Variants in SCARA3 observed in about 807,000 individuals in gnomAD.
The protein encoded by SCARA3 is scavenger receptor class A member 3.
A neutral mutation model predicts 47.0 loss-of-function variants in SCARA3; 39 were observed. That is an observed-to-expected ratio of 0.83 (90% CI 0.64 to 1.08). The LOEUF is 1.08. SCARA3 is among the 50% of genes least tolerant of loss of function. The pLI is 0.00. For missense variants in SCARA3, 724 were observed against 792.3 expected, an observed-to-expected ratio of 0.91 and a Z score of 1.04; for synonymous variants, 356 against 334.1, an observed-to-expected ratio of 1.07 and a Z score of -0.71.
At chr8:27,708,641 A>G in the SCARA3 span, among the ~76,000 whole-genome samples, 1 of 152,204 alleles carries the variant, frequency 6.6e-6, no homozygotes, top group Non-Finnish European at 1.5e-5. Flanking sequence ...GTTAGCGGAC[A>G]GTTTCAGAAT....
At chr8:27,689,481 G>C in the SCARA3 span, among the ~76,000 whole-genome samples, 2 of 152,164 alleles carry the variant, frequency 1.3e-5, no homozygotes, top group South Asian at 4.1e-4. Context: ...GCACTGAGCG[G>C]TGACCCACTC....
rs1311998139 is a variant in SCARA3 at position 27,672,597 on chromosome 8, G to A, written c.*1246G>A. ...ACAATGGCCCGAGCCCTCTTTGCAT[G>A]GGCAGCCAGCTGGACTAGGAGTGGG... On this transcript the variant is annotated 3_prime_UTR_variant, in exon 6 of 6. Coordinates refer to ENST00000301904, the MANE Select transcript of SCARA3 (RefSeq NM_016240.3). The A allele has an allele frequency of 1.0e-6, 1 of 985,484 alleles. No individual in the cohort carries two copies. Among genetic ancestry groups the A allele is most frequent in the Non-Finnish European group, 1.2e-6 (1 of 830,096 alleles). The allele number at this position is 985,484 out of a possible 1,614,324, so 61.0% of individuals were successfully genotyped here. A position where few individuals can be genotyped will look rare whatever the true frequency, so the allele number is the denominator to read the frequency against.
At chr8:27,710,208 C>A in the SCARA3 span, among the ~76,000 whole-genome samples, 31 of 131,684 alleles carry the variant, frequency 2.4e-4, no homozygotes, top group African/African-American at 8.8e-4. Context: ...CCAGCCTGGG[C>A]GACAGAGCGA....
the SCARA3 span, among the ~76,000 whole-genome samples, chr8:27,684,212 T>TA: frequency 6.6e-6 from 1 of 152,138 alleles, no homozygotes; most frequent in East Asian, 1.9e-4. Flanking sequence ...AACTCAACTT[T>TA]AAAAAAAGTC....
chr8:27,731,448 G>A, the SCARA3 span, among the ~76,000 whole-genome samples: 3 of 151,778 alleles, frequency 2.0e-5, no homozygotes, highest in East Asian at 5.8e-4. Context: ...AGGAGTTCGA[G>A]ACCAGCCTGG....
At chr8:27,725,911 C>T in the SCARA3 span, among the ~76,000 whole-genome samples, 1 of 152,196 alleles carries the variant, frequency 6.6e-6, no homozygotes, top group Non-Finnish European at 1.5e-5. Context: ...ACTTTTTAAA[C>T]TGTCACATGA....
chr8:27,655,096 C>T (rs1801715683), intron 3 of SCARA3, among the ~76,000 whole-genome samples: 1 of 152,184 alleles, frequency 6.6e-6, no homozygotes, highest in Non-Finnish European at 1.5e-5. Flanking sequence ...ACTGACAGCT[C>T]TGAGATGTAC....
intron 1 of SCARA3, among the ~76,000 whole-genome samples, chr8:27,637,233 A>T (rs1585268467): frequency 6.6e-6 from 1 of 152,230 alleles, no homozygotes; most frequent in South Asian, 2.1e-4. Context: ...AGGGCCTCCC[A>T]GGCCGCTGCC....
intron 5 of SCARA3, among the ~76,000 whole-genome samples, chr8:27,670,161 C>A (rs565495219): frequency 6.6e-6 from 1 of 152,284 alleles, no homozygotes; most frequent in Admixed American, 6.5e-5. Context: ...TGAATCACCC[C>A]CTTCAAGCAC....
chr8:27,635,827 T>A (rs1801238851), intron 1 of SCARA3, among the ~76,000 whole-genome samples: 1 of 152,172 alleles, frequency 6.6e-6, no homozygotes, highest in African/African-American at 2.4e-5. Flanking sequence ...CCTTTTACAC[T>A]GGGCCCCACA....
At chr8:27,646,954 G>A (rs1488289808) in intron 1 of SCARA3, among the ~76,000 whole-genome samples, 2 of 68,360 alleles carry the variant, frequency 2.9e-5, no homozygotes, top group Non-Finnish European at 5.6e-5. Context: ...GCACTTGCCC[G>A]CACCCCTGAC....
the SCARA3 span, among the ~76,000 whole-genome samples, chr8:27,729,922 T>A: frequency 1.3e-5 from 2 of 152,226 alleles, no homozygotes; most frequent in East Asian, 3.9e-4. Context: ...AGACAGTGCA[T>A]TAAATATCCT....
the SCARA3 span, among the ~76,000 whole-genome samples, chr8:27,686,092 T>A: frequency 6.6e-6 from 1 of 152,232 alleles, no homozygotes; most frequent in Non-Finnish European, 1.5e-5. Flanking sequence ...AAATAAAAGC[T>A]TTTTTAAGAA....
At chr8:27,695,532 C>A in the SCARA3 span, among the ~76,000 whole-genome samples, 1 of 152,034 alleles carries the variant, frequency 6.6e-6, no homozygotes. Flanking sequence ...AAAAATGTGA[C>A]CCATTGTCAA....
At chr8:27,698,042 T>A in the SCARA3 span, among the ~76,000 whole-genome samples, 3 of 152,208 alleles carry the variant, frequency 2.0e-5, 1 homozygote, top group South Asian at 6.2e-4. Flanking sequence ...AAGAAAATAC[T>A]GTTAACAACA....
At chr8:27,649,037 C>T (rs542172306) in intron 1 of SCARA3, among the ~76,000 whole-genome samples, 1 of 152,240 alleles carries the variant, frequency 6.6e-6, no homozygotes, top group South Asian at 2.1e-4. Flanking sequence ...TGAAGGGTGT[C>T]TGGGGAACTA....
the SCARA3 span, among the ~76,000 whole-genome samples, chr8:27,704,363 T>G: frequency 6.6e-6 from 1 of 152,234 alleles, no homozygotes; most frequent in East Asian, 1.9e-4. Flanking sequence ...GAAGGATTGC[T>G]TGAGCCCAGG....
intron 1 of SCARA3, among the ~76,000 whole-genome samples, chr8:27,640,593 T>C (rs1801360976): frequency 1.3e-5 from 2 of 151,826 alleles, no homozygotes; most frequent in African/African-American, 4.8e-5. Context: ...TTGCCCAGGC[T>C]GGTCTCAAGC....
the SCARA3 span, among the ~76,000 whole-genome samples, chr8:27,711,876 G>A: frequency 6.6e-6 from 1 of 152,082 alleles, no homozygotes; most frequent in Non-Finnish European, 1.5e-5. Flanking sequence ...CCACAGTGGT[G>A]TGTTTGTTAT....
Sources: gnomAD v4.1 joint callset for allele counts (sites outside exome capture counted in the v4.1 genomes callset) on GRCh38, gnomAD v4.1.1 for gene constraint, MANE v1.5 for transcripts, NCBI Gene and HGNC (gene_info 2026-07-23, HGNC 2026-07-21) for gene names.